Variants in ADAMTSL2 observed in about 807,000 individuals in gnomAD.
ADAMTSL2 encodes ADAMTS-like protein 2.
A neutral mutation model predicts 117.0 loss-of-function variants in ADAMTSL2; 55 were observed. That is an observed-to-expected ratio of 0.47 (90% CI 0.38 to 0.59). The LOEUF (loss-of-function observed/expected upper bound fraction) is 0.59, where lower values mean the gene tolerates loss of function less well. Among genes scored for constraint, ADAMTSL2 ranks in the 20% least tolerant of loss-of-function variants. ADAMTSL2 has a pLI of 0.00. For synonymous variants in ADAMTSL2, 572 were observed against 566.4 expected, an observed-to-expected ratio of 1.01 and a Z score of -0.14; for missense variants, 1,182 against 1,354.5, an observed-to-expected ratio of 0.87 and a Z score of 2.00.
chr9:133,540,264 T>C (rs930111235), intron 5 of ADAMTSL2, among the ~76,000 whole-genome samples: 1 of 152,154 alleles, frequency 6.6e-6, no homozygotes, highest in Non-Finnish European at 1.5e-5. Context: ...CTTCTCCTGC[T>C]CACCCGCAAG....
At chr9:133,572,553 G>A (rs1831132496) in intron 17 of ADAMTSL2, among the ~76,000 whole-genome samples, 1 of 152,140 alleles carries the variant, frequency 6.6e-6, no homozygotes, top group Non-Finnish European at 1.5e-5. Context: ...AGATGGGGGG[G>A]CCACTGTGGG....
intron 11 of ADAMTSL2, among the ~76,000 whole-genome samples, chr9:133,559,937 G>C (rs1321788213): frequency 2.0e-5 from 3 of 152,222 alleles, no homozygotes; most frequent in African/African-American, 7.2e-5. Context: ...TGGGGCCTCA[G>C]ATGTGTGGTC....
At chr9:133,548,054 C>T (rs1445111494) in intron 9 of ADAMTSL2, among the ~76,000 whole-genome samples, 3 of 152,186 alleles carry the variant, frequency 2.0e-5, no homozygotes, top group Non-Finnish European at 4.4e-5. Context: ...TCCTGGAGGC[C>T]GAGGGAATAC....
At chr9:133,570,138 A>C (rs931921059) in intron 16 of ADAMTSL2, among the ~76,000 whole-genome samples, 193 bp from the exon 17 acceptor site, 2 of 152,254 alleles carry the variant, frequency 1.3e-5, no homozygotes, top group Admixed American at 6.5e-5. Context: ...TTATGTGCTA[A>C]ATTGCTTTTG....
chr9:133,554,451 G>T lies in ADAMTSL2; in HGVS notation c.1034G>T (p.Gly345Val). Residue 345 changes from glycine (G) to valine (V), a missense_variant, in exon 10 of 19, where the codon GGC (glycine) becomes GTC (valine). Physicochemically the swap from Gly to Val is moderately radical, Grantham distance 109. Coordinates refer to ENST00000651351, the MANE Select transcript of ADAMTSL2 (RefSeq NM_014694.4). This position sits in a 1 kb window ranked among gnomAD's most constrained non-coding sequence, Gnocchi z 5.2. ...HESRPQPIYY[G>V]FSESAESQGL... ...AGCCGCCCCCAGCCCATCTACTATGGCTTCTCCGAGAGCGCTGAGAGCCAG... is the reference window on the plus strand; with the variant it reads ...AGCCGCCCCCAGCCCATCTACTATGTCTTCTCCGAGAGCGCTGAGAGCCAG... 6.4e-7 allele frequency: 1 copy of T among 1,559,436 alleles called. No homozygotes were observed.
chr9:133,544,419 A>C, intron 7 of ADAMTSL2, 51 bp from the exon 8 acceptor site: 1 of 1,497,010 alleles, frequency 6.7e-7, no homozygotes, highest in Non-Finnish European at 9.3e-7. Flanking sequence ...AGTGCCACCC[A>C]AGGCTGCCTT....
At chr9:133,556,965 G>C (rs1185606304) in intron 11 of ADAMTSL2, among the ~76,000 whole-genome samples, 1 of 152,188 alleles carries the variant, frequency 6.6e-6, no homozygotes, top group African/African-American at 2.4e-5. Context: ...GGCAGTGAGT[G>C]GGGGTTGGAG....
At chr9:133,553,420 T>G (rs1588292273) in intron 9 of ADAMTSL2, among the ~76,000 whole-genome samples, 2 of 152,290 alleles carry the variant, frequency 1.3e-5, no homozygotes, top group East Asian at 3.9e-4. Flanking sequence ...CACCCTCACC[T>G]TTCCATGCCA....
chr9:133,549,457 A>AG (rs1830432472), intron 9 of ADAMTSL2, among the ~76,000 whole-genome samples: 1 of 151,934 alleles, frequency 6.6e-6, no homozygotes, highest in African/African-American at 2.4e-5. Context: ...CACAAGGGGC[A>AG]GGGGGATACC....
intron 16 of ADAMTSL2, 148 bp from the exon 17 acceptor site, chr9:133,570,183 A>G: frequency 6.8e-6 from 6 of 883,516 alleles, no homozygotes; most frequent in Non-Finnish European, 8.5e-6. Flanking sequence ...GTTATCGAAC[A>G]AAGAGTTTCC....
intron 12 of ADAMTSL2, among the ~76,000 whole-genome samples, chr9:133,564,747 G>A (rs1253719352): frequency 6.7e-6 from 1 of 150,066 alleles, no homozygotes; most frequent in Admixed American, 6.6e-5. Context: ...AGAAAGGGAG[G>A]GCAGGAGGGA....
intron 4 of ADAMTSL2, 89 bp from the exon 5 acceptor site, chr9:133,539,682 G>GGCTGTCCCGGCTGTCCCT: frequency 7.4e-7 from 1 of 1,349,072 alleles, no homozygotes; most frequent in Non-Finnish European, 1.0e-6. Flanking sequence ...CGGCTGTCCC[G>GGCTGTCCCGGCTGTCCCT]GCTGCAGCCA....
intron 7 of ADAMTSL2, among the ~76,000 whole-genome samples, chr9:133,541,359 G>A (rs998972678): frequency 5.3e-5 from 8 of 151,630 alleles, no homozygotes; most frequent in Non-Finnish European, 8.8e-5. Flanking sequence ...CTTGATCTGG[G>A]CTCACTGCAA....
rs1830551643 is a variant in ADAMTSL2, at chr9:133,554,211, G to T, written c.940-146G>T. 5.4e-6 allele frequency: 4 copies of T among 743,062 alleles called. No homozygotes were observed. In the East Asian group the frequency reaches 1.1e-4, roughly 20 times the overall value. 46.0% of individuals were successfully genotyped at this position (743,062 alleles called of 1,614,324 possible). On this transcript the variant is annotated intron_variant, in intron 9 of 18. Transcript: ENST00000651351. The surrounding 1 kb of genome is among the most constrained non-coding windows in gnomAD (Gnocchi z 5.2). The stretch of plus-strand genomic sequence containing the variant: ...CCCTGGGGCAGGAGCACTGCGTTGG[G>T]CTGGGCTAGTCAGTGTCATTCCCTG...
chr9:133,571,122 C>T (rs1831096597), intron 17 of ADAMTSL2, among the ~76,000 whole-genome samples: 1 of 152,152 alleles, frequency 6.6e-6, no homozygotes, highest in Non-Finnish European at 1.5e-5. Flanking sequence ...GGAGAGCCCT[C>T]CCACCCTGAG....
upstream of ADAMTSL2, chr9:133,532,424 T>C (rs559301610): frequency 6.6e-6 from 1 of 152,344 alleles, no homozygotes; most frequent in South Asian, 2.1e-4. Flanking sequence ...CTCAAACTCC[T>C]GACCTCGTGT....
chr9:133,553,517 G>A (rs974504430), intron 9 of ADAMTSL2, among the ~76,000 whole-genome samples: 29 of 152,078 alleles, frequency 1.9e-4, no homozygotes, highest in African/African-American at 7.0e-4. Context: ...TCAAACACTT[G>A]AGCTATTGCA....
Position 133,557,856 on chromosome 9 carries a change from G to A in ADAMTSL2, c.1649+1926G>A, listed in dbSNP as rs897853212. On this transcript the variant is annotated intron_variant, in intron 11 of 18. Transcript: ENST00000651351. The surrounding 1 kb of genome is among the most constrained non-coding windows in gnomAD (Gnocchi z 5.2). ...CCAAATAGAATAGGTTTATCAGAGT[G>A]GCACCGAGGCCTCGCTGTGGAATTT... 1.3e-5 allele frequency among the ~76,000 whole-genome samples: 2 copies of A among 152,180 alleles called. No individual in the cohort carries two copies. The highest frequency in any genetic ancestry group is 2.4e-5 in the African/African-American group (1 of 41,444).
At chr9:133,538,559 C>A in intron 4 of ADAMTSL2, 135 bp downstream of exon 4, 1 of 1,059,568 alleles carries the variant, frequency 9.4e-7, no homozygotes, top group Non-Finnish European at 1.4e-6. Flanking sequence ...AGCCCAGGAG[C>A]AGGGTTGAGA....
Sources: allele counts gnomAD v4.1 joint callset (sites outside exome capture counted in the v4.1 genomes callset), GRCh38; gene constraint gnomAD v4.1.1; non-coding constraint Gnocchi (gnomAD v3.1); transcripts MANE v1.5; gene names NCBI Gene and HGNC (gene_info 2026-07-23, HGNC 2026-07-21).